The following MACROD2 variants were observed in gnomAD, a reference collection of about 807,000 sequenced individuals.
The protein encoded by MACROD2 is mono-ADP ribosylhydrolase 2.
Under a neutral mutation model 70.4 loss-of-function variants are expected in MACROD2, and 36 were observed. The observed-to-expected ratio is 0.51, with a 90% confidence interval of 0.39 to 0.68. The LOEUF (loss-of-function observed/expected upper bound fraction) is 0.68, where lower values mean the gene tolerates loss of function less well. MACROD2 is among the 30% of genes least tolerant of loss of function. The pLI is 0.00. For synonymous variants in MACROD2, 172 were observed against 178.8 expected, an observed-to-expected ratio of 0.96 and a Z score of 0.30; for missense variants, 496 against 538.4, an observed-to-expected ratio of 0.92 and a Z score of 0.78.
intron 5 of MACROD2, among the ~76,000 whole-genome samples, chr20:15,168,441 ATGTGTGTGTG>A (rs56188346): frequency 0.011 from 1,537 of 134,704 alleles, 16 homozygotes; most frequent in Middle Eastern, 0.034. Context: ...ACATTGTGGG[ATGTGTGTGTG>A]TGTGTGTGTG....
chr20:15,110,285 C>T (rs1430529906), intron 5 of MACROD2, among the ~76,000 whole-genome samples: 2 of 152,100 alleles, frequency 1.3e-5, no homozygotes, highest in Non-Finnish European at 1.5e-5. Context: ...TTGGTTTCCT[C>T]AATCATGTTT....
intron 3 of MACROD2, among the ~76,000 whole-genome samples, chr20:14,278,618 A>G (rs1045254606): frequency 5.3e-5 from 8 of 152,198 alleles, no homozygotes; most frequent in African/African-American, 1.7e-4. Context: ...TGTTTGCATA[A>G]TATAAATTTA....
At chr20:14,941,320 C>T (rs981952430) in intron 5 of MACROD2, among the ~76,000 whole-genome samples, 4 of 152,038 alleles carry the variant, frequency 2.6e-5, no homozygotes, top group African/African-American at 4.8e-5. Context: ...AGTCCTGCCT[C>T]ACCTCTTTTT....
chr20:14,150,480 G>A (rs1022024286), intron 3 of MACROD2, among the ~76,000 whole-genome samples: 6 of 152,066 alleles, frequency 3.9e-5, no homozygotes, highest in African/African-American at 1.4e-4. Context: ...TTTACTTTTG[G>A]AATTATTATC....
intron 8 of MACROD2, among the ~76,000 whole-genome samples, chr20:15,523,715 G>C (rs747386764): frequency 2.6e-5 from 4 of 152,156 alleles, no homozygotes; most frequent in Non-Finnish European, 5.9e-5. Flanking sequence ...AATAGACTGG[G>C]GGGTGAAAAC....
intron 12 of MACROD2, among the ~76,000 whole-genome samples, chr20:15,945,819 C>T (rs527867917): frequency 6.6e-6 from 1 of 152,276 alleles, no homozygotes; most frequent in Non-Finnish European, 1.5e-5. Context: ...TGTCTGAACC[C>T]AAAGCCCATG....
At chr20:15,710,664 A>C (rs958369817) in intron 8 of MACROD2, among the ~76,000 whole-genome samples, 1 of 152,206 alleles carries the variant, frequency 6.6e-6, no homozygotes, top group Non-Finnish European at 1.5e-5. Flanking sequence ...TTCTTTTATT[A>C]TGTTGTTTTA....
At position 14,862,668 on chromosome 20, in the gene MACROD2, A is replaced by C. The variant is rs75769136; in HGVS notation, c.418+177709A>C. Among the ~76,000 whole-genome samples, 20 of 29,112 alleles carry C rather than the reference A, an allele frequency of 6.9e-4. 2 individuals are homozygous for C. Among genetic ancestry groups the C allele is most frequent in the African/African-American group, 3.2e-3 (20 of 6,318 alleles). 19.1% of individuals were successfully genotyped at this position (29,112 alleles called of 152,430 possible). A position where few individuals can be genotyped will look rare whatever the true frequency, so the allele number is the denominator to read the frequency against. On this transcript the variant is annotated intron_variant, in intron 5 of 17. Coordinates refer to ENST00000684519, the MANE Select transcript of MACROD2 (RefSeq NM_001351661.2). The stretch of plus-strand genomic sequence containing the variant: ...ATATATATATATAAATATATATATA[A>C]ATATATATAAATATATATATAAATA...
chr20:15,588,078 A>G (rs2048627124), intron 8 of MACROD2, among the ~76,000 whole-genome samples: 1 of 152,240 alleles, frequency 6.6e-6, no homozygotes, highest in Admixed American at 6.5e-5. Flanking sequence ...CTGGGCATCC[A>G]GGTGTTTCCA....
chr20:14,992,695 A>G (rs2074915460), intron 5 of MACROD2, among the ~76,000 whole-genome samples: 2 of 150,590 alleles, frequency 1.3e-5, no homozygotes, highest in African/African-American at 5.0e-5. Context: ...GTAGACTATA[A>G]TACCTGTAAT....
At chr20:15,852,667 A>G (rs914094899) in intron 8 of MACROD2, among the ~76,000 whole-genome samples, 8 of 152,218 alleles carry the variant, frequency 5.3e-5, no homozygotes, top group African/African-American at 9.6e-5. Context: ...TGAAATCTTT[A>G]TCCGTTACAC....
chr20:14,966,021 A>G (rs1366151185), intron 5 of MACROD2, among the ~76,000 whole-genome samples: 2 of 152,126 alleles, frequency 1.3e-5, no homozygotes, highest in Non-Finnish European at 2.9e-5. Flanking sequence ...TACATTTTTC[A>G]TTCCTCATTA....
At chr20:14,937,133 T>G (rs1886309) in intron 5 of MACROD2, among the ~76,000 whole-genome samples, 1 of 150,772 alleles carries the variant, frequency 6.6e-6, no homozygotes, top group Non-Finnish European at 1.5e-5. Flanking sequence ...GTCAGGAGAG[T>G]GTGGAGGTTG....
At chr20:15,868,862 C>A (rs1208242804) in intron 9 of MACROD2, among the ~76,000 whole-genome samples, 1 of 152,030 alleles carries the variant, frequency 6.6e-6, no homozygotes, top group Non-Finnish European at 1.5e-5. Context: ...TAACTCACTG[C>A]AGCCTCGAAC....
intron 6 of MACROD2, among the ~76,000 whole-genome samples, chr20:15,389,426 A>G (rs966180595): frequency 2.0e-5 from 3 of 152,182 alleles, no homozygotes; most frequent in African/African-American, 7.2e-5. Flanking sequence ...GAAATTACAG[A>G]AAGAAAAATT....
At chr20:14,985,558 A>AC (rs1175854717) in intron 5 of MACROD2, among the ~76,000 whole-genome samples, 1 of 152,134 alleles carries the variant, frequency 6.6e-6, no homozygotes, top group African/African-American at 2.4e-5. Flanking sequence ...TAAAAGGCTA[A>AC]CCTTCCAAAG....
chr20:15,258,431 C>T (rs563046451), intron 6 of MACROD2, among the ~76,000 whole-genome samples: 9 of 152,074 alleles, frequency 5.9e-5, no homozygotes, highest in African/African-American at 1.9e-4. Flanking sequence ...TTATACCATA[C>T]TTTTACTGTA....
At chr20:15,283,884 A>G (rs1600195234) in intron 6 of MACROD2, among the ~76,000 whole-genome samples, 1 of 152,314 alleles carries the variant, frequency 6.6e-6, no homozygotes, top group Non-Finnish European at 1.5e-5. Context: ...CCCATTATAT[A>G]GCTTCAACAA....
Position 14,127,482 on chromosome 20 carries a change from T to A in MACROD2, c.271+41754T>A, listed in dbSNP as rs569199214. On this transcript the variant is annotated intron_variant, in intron 3 of 17. Transcript: ENST00000684519. ...AGGCTGGAGCAGAAGGAGGCAGAGG[T>A]GGGTCAAATCATTGAATATCTTAAG... 819 of 493,000 alleles carry A rather than the reference T, an allele frequency of 1.7e-3. 1 individual carries two copies. Among genetic ancestry groups the A allele is most frequent in the Non-Finnish European group, 3.5e-4 (95 of 268,328 alleles). The allele number at this position is 493,000 out of a possible 1,614,324, so 30.5% of individuals were successfully genotyped here.
Sources: gnomAD v4.1 joint callset for allele counts (sites outside exome capture counted in the v4.1 genomes callset) on GRCh38, gnomAD v4.1.1 for gene constraint, MANE v1.5 for transcripts, NCBI Gene and HGNC (gene_info 2026-07-23, HGNC 2026-07-21) for gene names.